Variants in AP3B1 observed in about 807,000 individuals in gnomAD.
The protein encoded by AP3B1 is adaptor related protein complex 3 subunit beta 1.
In AP3B1, 61 loss-of-function variants were observed where a neutral mutation model predicts 132.5. That is an observed-to-expected ratio of 0.46 (90% CI 0.37 to 0.57). AP3B1 has a LOEUF of 0.57. AP3B1 is among the 20% of genes least tolerant of loss of function. AP3B1 has a pLI of 0.00. For missense variants in AP3B1, 1,120 were observed against 1,289.4 expected (o/e 0.87, Z 2.01); for synonymous variants, 388 against 438.3 (o/e 0.89, Z 1.43).
At chr5:78,106,869 T>C (rs2112244864) in intron 20 of AP3B1, among the ~76,000 whole-genome samples, 1 of 152,326 alleles carries the variant, frequency 6.6e-6, no homozygotes, top group African/African-American at 2.4e-5. Flanking sequence ...TTGATTGTAT[T>C]AGGTTTGGAA....
At chr5:78,133,095 C>G (rs929005891) in intron 15 of AP3B1, among the ~76,000 whole-genome samples, 1 of 152,150 alleles carries the variant, frequency 6.6e-6, no homozygotes, top group Admixed American at 6.6e-5. Context: ...TTAATTCCAC[C>G]CACTGGCAGC....
chr5:78,220,877 TC>T, intron 6 of AP3B1, among the ~76,000 whole-genome samples: 1 of 152,070 alleles, frequency 6.6e-6, no homozygotes, highest in African/African-American at 2.4e-5. Flanking sequence ...TGGGACCCCA[TC>T]TTTACAAAAA....
At chr5:78,018,671 A>AACAC (rs3050070) in intron 25 of AP3B1, among the ~76,000 whole-genome samples, 10,089 of 146,616 alleles carry the variant, frequency 0.069, 593 homozygotes, top group East Asian at 0.17. Context: ...AAGCTGGTGT[A>AACAC]ACACACACAC....
intron 19 of AP3B1, among the ~76,000 whole-genome samples, chr5:78,111,834 T>C (rs1435379361): frequency 5.3e-5 from 8 of 152,184 alleles, no homozygotes; most frequent in African/African-American, 1.9e-4. Flanking sequence ...AATGCACTCT[T>C]CCTGGGTACA....
In AP3B1 at chr5:78,116,133, A is replaced by T. The variant is rs1343545850; in HGVS notation, c.2070T>A (p.Ser690Arg). ...ATAAATTATAAAACCCACCACTGTC[A>T]CTGCTACTATCAGAAGAGTCCTCCT... Reference protein sequence around the residue: ...EEEEDSSDSSSDSESESGSES... With the variant: ...EEEEDSSDSSRDSESESGSES... The change falls in exon 18 of 27, where the codon AGT becomes AGA. Residue 690 changes from serine to arginine, a missense_variant. Physicochemically the swap from Ser to Arg is moderately radical, Grantham distance 110. Coordinates refer to ENST00000255194, the MANE Select transcript of AP3B1 (RefSeq NM_003664.5). 6.2e-7 allele frequency: 1 copy of T among 1,608,594 alleles called. No homozygotes were observed. The highest frequency in any genetic ancestry group is 8.5e-7 in the Non-Finnish European group (1 of 1,175,212).
chr5:78,119,454 C>T (rs1004724140), intron 17 of AP3B1, among the ~76,000 whole-genome samples: 5 of 151,988 alleles, frequency 3.3e-5, no homozygotes, highest in African/African-American at 7.3e-5. Context: ...AAAAATTAGA[C>T]GAATGGATAC....
intron 22 of AP3B1, among the ~76,000 whole-genome samples, chr5:78,077,868 T>C (rs1031083796): frequency 6.6e-6 from 1 of 152,224 alleles, no homozygotes; most frequent in Non-Finnish European, 1.5e-5. Context: ...AGTTTCCTCA[T>C]AACACGCTGC....
intron 15 of AP3B1, among the ~76,000 whole-genome samples, chr5:78,132,905 T>TA (rs573336723): frequency 6.6e-6 from 1 of 152,110 alleles, no homozygotes; most frequent in Admixed American, 6.5e-5. Flanking sequence ...TATAACAAGA[T>TA]AAAAAAAGAA....
Position 78,160,168 on chromosome 5 carries a change from A to T in AP3B1, c.1363+2651T>A, listed in dbSNP as rs566646710. On this transcript the variant is annotated intron_variant, in intron 13 of 26. Transcript: ENST00000255194. The stretch of plus-strand genomic sequence containing the variant: ...GACTATTAGCTCTATAAAGATAGGA[A>T]CCTTTTATAAGTTAAATAAATATCC... 1.1e-4 allele frequency among the ~76,000 whole-genome samples: 16 copies of T among 152,302 alleles called. No homozygotes were observed. The South Asian group carries it at 2.9e-3, about 28-fold the overall frequency.
chr5:78,095,003 A>G (rs1040360750), intron 21 of AP3B1, among the ~76,000 whole-genome samples: 23 of 152,134 alleles, frequency 1.5e-4, no homozygotes, highest in Non-Finnish European at 2.1e-4. Context: ...CTTAAACTCA[A>G]CTCAAAAGTT....
intron 1 of AP3B1, among the ~76,000 whole-genome samples, chr5:78,268,643 T>C (rs1451660497): frequency 1.3e-5 from 2 of 152,200 alleles, no homozygotes; most frequent in African/African-American, 2.4e-5. Context: ...CGTAAACTAA[T>C]GGAAACTTGG....
intron 1 of AP3B1, among the ~76,000 whole-genome samples, chr5:78,270,103 G>A (rs1247654158): frequency 6.6e-6 from 1 of 151,920 alleles, no homozygotes; most frequent in Non-Finnish European, 1.5e-5. Context: ...GTAGAGATGG[G>A]GTTTCATCAT....
chr5:78,201,367 T>C (rs1336286490), intron 7 of AP3B1, among the ~76,000 whole-genome samples: 1 of 152,182 alleles, frequency 6.6e-6, no homozygotes, highest in African/African-American at 2.4e-5. Context: ...AACAGATTTA[T>C]TACAATAGGC....
chr5:78,061,069 C>T (rs1561381222), intron 22 of AP3B1, among the ~76,000 whole-genome samples: 1 of 151,908 alleles, frequency 6.6e-6, no homozygotes, highest in Non-Finnish European at 1.5e-5. Context: ...AACCACATAT[C>T]CATAAACATA....
chr5:78,054,670 G>A (rs571649797), intron 22 of AP3B1, among the ~76,000 whole-genome samples: 2 of 152,270 alleles, frequency 1.3e-5, no homozygotes, highest in East Asian at 3.9e-4. Context: ...TCAGAGATGG[G>A]ACTGTGGCCT....
At chr5:78,107,861 T>C (rs1751403925) in intron 20 of AP3B1, among the ~76,000 whole-genome samples, 1 of 152,262 alleles carries the variant, frequency 6.6e-6, no homozygotes, top group African/African-American at 2.4e-5. Flanking sequence ...TGATCTTTTA[T>C]GGAATTTTTA....
At chr5:78,225,901 G>A (rs2112492399) in intron 5 of AP3B1, among the ~76,000 whole-genome samples, 1 of 152,050 alleles carries the variant, frequency 6.6e-6, no homozygotes, top group South Asian at 2.1e-4. Context: ...GAAAGCGACT[G>A]TAAGTAGATA....
intron 13 of AP3B1, among the ~76,000 whole-genome samples, chr5:78,158,702 TC>T (rs1451803420): frequency 6.6e-6 from 1 of 151,170 alleles, no homozygotes; most frequent in Non-Finnish European, 1.5e-5. Flanking sequence ...AGGTATTACT[TC>T]TTTTTTTTTT....
intron 22 of AP3B1, among the ~76,000 whole-genome samples, chr5:78,045,734 T>C (rs893215350): frequency 2.0e-5 from 3 of 152,222 alleles, no homozygotes; most frequent in African/African-American, 4.8e-5. Flanking sequence ...TCATATTTTA[T>C]AGACAACAAT....
Sources: allele counts gnomAD v4.1 joint callset (sites outside exome capture counted in the v4.1 genomes callset), GRCh38; gene constraint gnomAD v4.1.1; transcripts MANE v1.5; gene names NCBI Gene and HGNC (gene_info 2026-07-23, HGNC 2026-07-21).